Variants in TTC23L observed in about 807,000 individuals in gnomAD.
The protein encoded by TTC23L is tetratricopeptide repeat protein 23-like.
Under a neutral mutation model 48.1 loss-of-function variants are expected in TTC23L, and 42 were observed. The ratio of observed to expected loss-of-function variants is 0.87; its 90% confidence interval spans 0.68 to 1.13. The LOEUF is 1.13. TTC23L is among the 50% of genes most tolerant of loss of function. TTC23L has a pLI of 0.00. For synonymous variants in TTC23L, 159 were observed against 157.2 expected (o/e 1.01, Z -0.09); for missense variants, 391 against 421.0 (o/e 0.93, Z 0.62).
chr5:34,864,677 A>C lies in TTC23L; in HGVS notation c.662+115A>C, dbSNP rs571907136. 8.7e-5 allele frequency: 116 copies of C among 1,326,322 alleles called. No individual in the cohort carries two copies. In the South Asian group the frequency reaches 1.9e-3, roughly 22 times the overall value. 82.2% of individuals were successfully genotyped at this position (1,326,322 alleles called of 1,614,324 possible). Reference sequence around the variant, plus strand: ...ACCCAGAAACTCAAATGATAATAAAAGAGGCTCATATTTACCAAATGGATA... The same window carrying C: ...ACCCAGAAACTCAAATGATAATAAACGAGGCTCATATTTACCAAATGGATA... On this transcript the variant is annotated intron_variant, in intron 6 of 10. Coordinates refer to ENST00000505624, the Ensembl canonical transcript of TTC23L.
At chr5:34,860,808 A>G (rs1365658275) in intron 4 of TTC23L, 2 of 152,064 alleles carry the variant, frequency 1.3e-5, no homozygotes, top group African/African-American at 4.8e-5. Context: ...TTTCTTCCTC[A>G]TATCTACTAT....
At chr5:34,842,523 T>C (rs1758771533) in intron 2 of TTC23L, among the ~76,000 whole-genome samples, 1 of 152,136 alleles carries the variant, frequency 6.6e-6, no homozygotes, top group Non-Finnish European at 1.5e-5. Flanking sequence ...GCACCTTGCC[T>C]CTAGTGGACG....
chr5:34,898,064 T>C (rs942494689), intron 10 of TTC23L, among the ~76,000 whole-genome samples: 1 of 152,212 alleles, frequency 6.6e-6, no homozygotes, highest in African/African-American at 2.4e-5. Context: ...GGATGAAGTA[T>C]AGTACCTATC....
chr5:34,886,421 C>T (rs1762548784), intron 9 of TTC23L, among the ~76,000 whole-genome samples: 1 of 148,352 alleles, frequency 6.7e-6, no homozygotes, highest in Non-Finnish European at 1.5e-5. Flanking sequence ...CTGCTAAAGG[C>T]TTCATTAAAG....
At chr5:34,889,823 G>A (rs56820085) in intron 9 of TTC23L, among the ~76,000 whole-genome samples, 44,490 of 150,882 alleles carry the variant, frequency 0.29, 8,376 homozygotes, top group Non-Finnish European at 0.42. Context: ...ACATTATTAG[G>A]TGGGGTTTTT....
the TTC23L span, chr5:34,913,413 TA>T: frequency 9.9e-7 from 1 of 1,007,640 alleles, no homozygotes; most frequent in Non-Finnish European, 1.4e-6. Flanking sequence ...TAACTTCCTG[TA>T]TTTTTCTGAC....
At chr5:34,921,488 T>G in the TTC23L span, 1 of 152,236 alleles carries the variant, frequency 6.6e-6, no homozygotes, top group Non-Finnish European at 1.5e-5. Flanking sequence ...AAGTACTGCA[T>G]TTTCATAAGA....
At chr5:34,880,469 T>G (rs1486514497) in intron 9 of TTC23L, among the ~76,000 whole-genome samples, 161 bp downstream of exon 9, 1 of 152,190 alleles carries the variant, frequency 6.6e-6, no homozygotes, top group Non-Finnish European at 1.5e-5. Context: ...CCGAATTATT[T>G]TTTTTTCAGA....
chr5:34,913,669 T>C, the TTC23L span: 4 of 723,060 alleles, frequency 5.5e-6, no homozygotes, highest in Admixed American at 8.4e-5. Context: ...GTTTAAAAAA[T>C]ACAATACTGT....
At chr5:34,841,354 G>A (rs1218494684) in intron 2 of TTC23L, among the ~76,000 whole-genome samples, 3 of 152,112 alleles carry the variant, frequency 2.0e-5, no homozygotes, top group Non-Finnish European at 4.4e-5. Context: ...TACCTTAAAC[G>A]TCTTAGCTGA....
the TTC23L span, chr5:34,925,327 T>C: frequency 6.2e-7 from 1 of 1,613,980 alleles, no homozygotes; most frequent in Non-Finnish European, 8.5e-7. Context: ...AGACTCTTCT[T>C]CCACATGATC....
chr5:34,915,882 A>T, the TTC23L span: 3 of 1,556,824 alleles, frequency 1.9e-6, no homozygotes, highest in Non-Finnish European at 2.6e-6. Flanking sequence ...ACCGGATCCC[A>T]GGCCCCGTTT....
chr5:34,914,638 C>T, the TTC23L span: 2 of 1,560,454 alleles, frequency 1.3e-6, no homozygotes, highest in Non-Finnish European at 1.8e-6. Context: ...CTTCCGATTT[C>T]ATTAAATTAC....
the TTC23L span, among the ~76,000 whole-genome samples, chr5:34,911,328 G>A: frequency 1.3e-5 from 2 of 151,972 alleles, no homozygotes; most frequent in Non-Finnish European, 1.5e-5. Flanking sequence ...TAGAGGACTG[G>A]GCTTCTCATC....
Position 34,868,975 on chromosome 5 carries a change from C to A in TTC23L, c.911C>A (p.Ala304Asp), listed in dbSNP as rs770697122. 7 of 1,610,582 alleles carry A rather than the reference C, an allele frequency of 4.3e-6. No individual in the cohort carries two copies. The South Asian group carries it at 6.7e-5, about 15-fold the overall frequency. ...ACTGCAGAAATGAGTGCGTTACTGGCCAAAGCTTATGCCATGTCTGGAGAG... is the reference window on the plus strand; with the variant it reads ...ACTGCAGAAATGAGTGCGTTACTGGACAAAGCTTATGCCATGTCTGGAGAG... Residue 304 changes from alanine (A) to aspartate (D), a missense_variant, in exon 8 of 11, where the codon GCC becomes GAC. Coordinates refer to ENST00000505624, the Ensembl canonical transcript of TTC23L.
the TTC23L span, chr5:34,922,748 C>A: frequency 2.0e-5 from 33 of 1,613,844 alleles, no homozygotes; most frequent in Admixed American, 1.8e-4. Flanking sequence ...AGGTTCTCGG[C>A]CCCTTTTGTC....
rs1046399594 is a variant in TTC23L at position 34,842,063 on chromosome 5, A to C, written c.68+1324A>C. Among the ~76,000 whole-genome samples, 13 of 152,226 alleles carry C rather than the reference A, an allele frequency of 8.5e-5. No individual in the cohort carries two copies. In the East Asian group the frequency reaches 2.5e-3, roughly 29 times the overall value. ...ATCCTTAGTTGGGAACCATTGCTCT[A>C]TACCAGTGTCATCAAATAGAAATAT... On this transcript the variant is annotated intron_variant, in intron 2 of 10. Transcript: ENST00000505624.
At chr5:34,881,767 G>GTTT (rs562919287) in intron 9 of TTC23L, among the ~76,000 whole-genome samples, 6 of 133,804 alleles carry the variant, frequency 4.5e-5, no homozygotes, top group Admixed American at 7.5e-5. Context: ...TTAGAAGACT[G>GTTT]TTTTTTTTTT....
intron 3 of TTC23L, among the ~76,000 whole-genome samples, chr5:34,845,990 G>A (rs944890386): frequency 2.0e-5 from 3 of 152,004 alleles, no homozygotes; most frequent in East Asian, 1.9e-4. Context: ...TGAGGCCAGC[G>A]TGAGTAACAT....
Sources: gnomAD v4.1 joint callset for allele counts (sites outside exome capture counted in the v4.1 genomes callset) on GRCh38, gnomAD v4.1.1 for gene constraint, MANE v1.5 for transcripts, NCBI Gene and HGNC (gene_info 2026-07-23, HGNC 2026-07-21) for gene names.